The following SHROOM3 variants were observed in gnomAD, a reference collection of about 807,000 sequenced individuals.
The protein encoded by SHROOM3 is shroom family member 3.
In SHROOM3, 47 loss-of-function variants were observed where a neutral mutation model predicts 138.6. The ratio of observed to expected loss-of-function variants is 0.34; its 90% confidence interval spans 0.27 to 0.43. The LOEUF (loss-of-function observed/expected upper bound fraction) is 0.43. Ranked by LOEUF, SHROOM3 falls within the 20% of genes least tolerant of loss-of-function variation. SHROOM3 has a pLI of 1.00. For synonymous variants in SHROOM3, 1,062 were observed against 1,063.3 expected, an observed-to-expected ratio of 1.00 and a Z score of 0.02; for missense variants, 2,491 against 2,596.5, an observed-to-expected ratio of 0.96 and a Z score of 0.88.
chr4:76,758,581 C>T (rs1308109380), intron 8 of SHROOM3: 1 of 151,940 alleles, frequency 6.6e-6, no homozygotes, highest in African/African-American at 2.4e-5. Flanking sequence ...ATTTGTAATG[C>T]GGTGGACATA....
At chr4:76,647,694 A>G (rs1462333614) in intron 2 of SHROOM3, among the ~76,000 whole-genome samples, 1 of 152,190 alleles carries the variant, frequency 6.6e-6, no homozygotes, top group Non-Finnish European at 1.5e-5. Flanking sequence ...CAGGAATTCA[A>G]GACCAGCCTG....
chr4:76,589,137 C>T (rs1233996706), intron 2 of SHROOM3, among the ~76,000 whole-genome samples: 1 of 152,168 alleles, frequency 6.6e-6, no homozygotes, highest in African/African-American at 2.4e-5. Flanking sequence ...CTTGTGTGAA[C>T]CAAAACTGAT....
At position 76,756,621 on chromosome 4, in the gene SHROOM3, C is replaced by G; in HGVS notation, c.4882C>G (p.Leu1628Val). ...CGTTCACGCCCAACTTGCTGGGTCT[C>G]TTGGTGGGCAGCCAGCACCCATCCA... ...MSVHAQLAGS[L>V]GGQPAPIQTQ... Residue 1628 changes from leucine to valine, a missense_variant, in exon 8 of 11, where the codon CTT (leucine) becomes GTT (valine). Around this residue, in one of 4 missense-constraint regions of SHROOM3, gnomAD observed 470 missense variants for 595.0 expected, o/e 0.79. Transcript: ENST00000296043. 1 of 1,614,040 alleles carries G rather than the reference C, an allele frequency of 6.2e-7. No homozygotes were observed. The highest frequency in any genetic ancestry group is 8.5e-7 in the Non-Finnish European group (1 of 1,180,022).
At chr4:76,509,620 T>C (rs17254217) in intron 1 of SHROOM3, 14,751 of 152,524 alleles carry the variant, frequency 0.097, 788 homozygotes, top group South Asian at 0.2. Flanking sequence ...GCCAGAAACA[T>C]GTACCGCTTG....
chr4:76,553,197 G>C (rs1733401115), intron 1 of SHROOM3, among the ~76,000 whole-genome samples: 1 of 152,188 alleles, frequency 6.6e-6, no homozygotes, highest in Non-Finnish European at 1.5e-5. Flanking sequence ...CTGTCGCCTA[G>C]GCTGGACTGG....
At chr4:76,603,197 T>C (rs1471827609) in intron 2 of SHROOM3, among the ~76,000 whole-genome samples, 1 of 152,158 alleles carries the variant, frequency 6.6e-6, no homozygotes, top group Non-Finnish European at 1.5e-5. Context: ...GGAGAACGGA[T>C]CATGAAGTCA....
rs548902202 is a variant in SHROOM3 at position 76,626,193 on chromosome 4, C to T, written c.323+70430C>T. 1.3e-4 allele frequency among the ~76,000 whole-genome samples: 20 copies of T among 152,170 alleles called. No individual in the cohort carries two copies. In the South Asian group the frequency reaches 2.3e-3, roughly 17 times the overall value. ...GAACCCTAATTCATGTAAAATTCAA[C>T]GCTGGGAAATCAAAAGAAAGGAAAA... is the stretch of plus-strand genomic sequence containing the variant. On this transcript the variant is annotated intron_variant, in intron 2 of 10. Transcript: ENST00000296043.
At chr4:76,593,850 G>T (rs892557722) in intron 2 of SHROOM3, among the ~76,000 whole-genome samples, 2 of 152,108 alleles carry the variant, frequency 1.3e-5, no homozygotes, top group Non-Finnish European at 2.9e-5. Flanking sequence ...CATGGTCCTG[G>T]TGCCCGGAAC....
intron 1 of SHROOM3, among the ~76,000 whole-genome samples, chr4:76,440,450 T>C (rs1579154482): frequency 6.6e-6 from 1 of 152,164 alleles, no homozygotes; most frequent in East Asian, 1.9e-4. Context: ...ATTATCTGAG[T>C]GAAGTATGGG....
chr4:76,621,037 C>G (rs1007923406), intron 2 of SHROOM3, among the ~76,000 whole-genome samples: 28 of 151,946 alleles, frequency 1.8e-4, no homozygotes, highest in Admixed American at 6.6e-5. Flanking sequence ...CTGAAGCAGC[C>G]CCTTATAACA....
chr4:76,552,283 G>A (rs1300802331), intron 1 of SHROOM3, among the ~76,000 whole-genome samples: 1 of 150,888 alleles, frequency 6.6e-6, no homozygotes, highest in African/African-American at 2.4e-5. Flanking sequence ...AAAGTGGGAG[G>A]ATCACTTGAG....
chr4:76,658,347 A>T (rs1414530749), intron 2 of SHROOM3, among the ~76,000 whole-genome samples: 1 of 152,224 alleles, frequency 6.6e-6, no homozygotes. Context: ...AGGAAAGGCT[A>T]TGTGGCTGGA....
Position 76,710,223 on chromosome 4 carries a change from A to C in SHROOM3, c.391A>C (p.Thr131Pro). 1 of 1,613,894 alleles carries C rather than the reference A, an allele frequency of 6.2e-7. No homozygotes were observed. The highest frequency in any genetic ancestry group is 1.3e-5 in the African/African-American group (1 of 74,952). The part of the protein sequence containing the change: ...ASNFVSPEHL[T>P]SGPQHRKAAW... ...TAACTTCGTCAGCCCAGAACACCTCACCTCTGGCCCCCAGCACAGGAAAGC... is the reference window on the plus strand; with the variant it reads ...TAACTTCGTCAGCCCAGAACACCTCCCCTCTGGCCCCCAGCACAGGAAAGC... Residue 131 changes from threonine (T) to proline (P), a missense_variant, in exon 3 of 11, where the codon ACC becomes CCC. By Grantham distance (38) the Thr-to-Pro change is conservative (BLOSUM62 -1). Around this residue, in one of 4 missense-constraint regions of SHROOM3, gnomAD observed 284 missense variants for 322.8 expected, o/e 0.88. Coordinates refer to ENST00000296043, the MANE Select transcript of SHROOM3 (RefSeq NM_020859.4).
chr4:76,673,567 G>A (rs1282628869), intron 2 of SHROOM3, among the ~76,000 whole-genome samples: 1 of 151,926 alleles, frequency 6.6e-6, no homozygotes, highest in East Asian at 1.9e-4. Flanking sequence ...AGTGGGGTGG[G>A]GTTTAAATAG....
chr4:76,730,026 T>C (rs1720828252), intron 3 of SHROOM3, among the ~76,000 whole-genome samples: 1 of 152,210 alleles, frequency 6.6e-6, no homozygotes, highest in Admixed American at 6.5e-5. Flanking sequence ...TACCTGACTT[T>C]TTTTGCCAAA....
chr4:76,698,386 C>T (rs1194550929), intron 2 of SHROOM3, among the ~76,000 whole-genome samples: 4 of 152,182 alleles, frequency 2.6e-5, no homozygotes, highest in Admixed American at 6.5e-5. Flanking sequence ...GATTCCTCAG[C>T]TGATGCCAAA....
chr4:76,576,542 T>A (rs1733944041), intron 2 of SHROOM3, among the ~76,000 whole-genome samples: 1 of 152,140 alleles, frequency 6.6e-6, no homozygotes, highest in African/African-American at 2.4e-5. Flanking sequence ...GGATGGTTAA[T>A]GCATACAAAA....
chr4:76,598,175 T>C (rs1734428964), intron 2 of SHROOM3, among the ~76,000 whole-genome samples: 2 of 152,150 alleles, frequency 1.3e-5, no homozygotes, highest in South Asian at 4.1e-4. Flanking sequence ...TACAGGCGCC[T>C]GCCACCACGC....
intron 9 of SHROOM3, among the ~76,000 whole-genome samples, chr4:76,763,351 C>T (rs1022140326): frequency 2.6e-5 from 4 of 151,692 alleles, no homozygotes; most frequent in Admixed American, 2.6e-4. Context: ...CGTGCCACTG[C>T]ACTCCAGACT....
Sources: gnomAD v4.1 joint callset for allele counts (sites outside exome capture counted in the v4.1 genomes callset) on GRCh38, gnomAD v4.1.1 for gene constraint, gnomAD v4.1.1 regional missense constraint, MANE v1.5 for transcripts, NCBI Gene and HGNC (gene_info 2026-07-23, HGNC 2026-07-21) for gene names.